ASIC2: variants seen among roughly 807,000 people sequenced by gnomAD.
ASIC2 encodes acid sensing ion channel subunit 2.
ASIC2 carries 25 observed loss-of-function variants against 57.3 expected under a neutral mutation model. That is an observed-to-expected ratio of 0.44 (90% CI 0.32 to 0.61). The LOEUF (loss-of-function observed/expected upper bound fraction) is 0.61, where lower values mean the gene tolerates loss of function less well. Among genes scored for constraint, ASIC2 ranks in the 20% least tolerant of loss-of-function variants. The probability of loss-of-function intolerance (pLI) is 0.06; values close to 1 mark genes in which losing one functional copy is unlikely to be tolerated. For missense variants in ASIC2, 641 were observed against 738.1 expected (o/e 0.87, Z 1.52); for synonymous variants, 319 against 307.5 (o/e 1.04, Z -0.39).
chr17:33,024,102 A>G (rs2091849864), intron 5 of ASIC2, 88 bp from the exon 6 acceptor site: 1 of 1,553,938 alleles, frequency 6.4e-7, no homozygotes, highest in Non-Finnish European at 8.8e-7. Flanking sequence ...GCAGCTGAGA[A>G]ATGAGCTGGG....
chr17:33,715,437 C>T (rs1467148179), intron 1 of ASIC2, among the ~76,000 whole-genome samples: 2 of 152,098 alleles, frequency 1.3e-5, no homozygotes, highest in Non-Finnish European at 2.9e-5. Flanking sequence ...ATTAGGATGC[C>T]CTGGCCGCTG....
intron 1 of ASIC2, among the ~76,000 whole-genome samples, chr17:33,669,659 C>T (rs1400124441): frequency 6.6e-6 from 1 of 152,140 alleles, no homozygotes; most frequent in Non-Finnish European, 1.5e-5. Flanking sequence ...GAAACTTATG[C>T]CATTAAGAGA....
At chr17:34,065,317 G>A (rs1215585048) in intron 1 of ASIC2, among the ~76,000 whole-genome samples, 2 of 152,150 alleles carry the variant, frequency 1.3e-5, no homozygotes, top group Non-Finnish European at 2.9e-5. Context: ...ATATGTAGGA[G>A]CTAAGCTATG....
chr17:33,091,754 A>G (rs1158896639), intron 2 of ASIC2, among the ~76,000 whole-genome samples: 1 of 152,292 alleles, frequency 6.6e-6, no homozygotes, highest in South Asian at 2.1e-4. Flanking sequence ...CTGGATGGAC[A>G]TGAGTGGGAG....
At chr17:34,034,512 G>T (rs1247577311) in intron 1 of ASIC2, among the ~76,000 whole-genome samples, 1 of 152,086 alleles carries the variant, frequency 6.6e-6, no homozygotes, top group Non-Finnish European at 1.5e-5. Context: ...TTCTGGCCAG[G>T]GCAATCAGGC....
intron 1 of ASIC2, among the ~76,000 whole-genome samples, chr17:33,170,334 C>T (rs577022286): frequency 6.6e-6 from 1 of 152,148 alleles, no homozygotes; most frequent in African/African-American, 2.4e-5. Context: ...AAAAGATTCA[C>T]CTCTAAATTC....
At chr17:33,682,077 T>TTTTTTTGG (rs1908019229) in intron 1 of ASIC2, among the ~76,000 whole-genome samples, 1 of 150,462 alleles carries the variant, frequency 6.6e-6, no homozygotes, top group Admixed American at 6.6e-5. Flanking sequence ...TTTTTTTTTT[T>TTTTTTTGG]GAGACAGAGT....
intron 1 of ASIC2, among the ~76,000 whole-genome samples, chr17:34,140,264 G>A (rs562481249): frequency 9.9e-5 from 15 of 152,170 alleles, no homozygotes; most frequent in Non-Finnish European, 4.4e-5. Context: ...CACGACACAG[G>A]TTTCCTACTG....
chr17:34,096,856 CAAAAAAAA>C (rs71286247), intron 1 of ASIC2, among the ~76,000 whole-genome samples: 155 of 30,106 alleles, frequency 5.1e-3, no homozygotes, highest in African/African-American at 0.023. Context: ...GACTCCATCT[CAAAAAAAA>C]AAAAAAAAAA....
rs148749469 is a variant in ASIC2, at chr17:33,731,477, C to T, written c.555+424501G>A. ...TGGAAAGTTTGAATCAAATGTCTTTCACCTAAGGTCCATAAAGAAATCTCC... is the reference window on the plus strand; with the variant it reads ...TGGAAAGTTTGAATCAAATGTCTTTTACCTAAGGTCCATAAAGAAATCTCC... On this transcript the variant is annotated intron_variant, in intron 1 of 9. Coordinates refer to the ASIC2 transcript ENST00000359872. 5.7e-3 allele frequency among the ~76,000 whole-genome samples: 874 copies of T among 152,252 alleles called. 12 individuals are homozygous for T. The highest frequency in any genetic ancestry group is 0.02 in the African/African-American group (839 of 41,526).
At chr17:34,067,575 TA>T (rs1909217773) in intron 1 of ASIC2, among the ~76,000 whole-genome samples, 1 of 152,282 alleles carries the variant, frequency 6.6e-6, no homozygotes, top group Middle Eastern at 3.4e-3. Flanking sequence ...AATTTATTTC[TA>T]AAAAAACTAT....
chr17:33,147,749 G>A (rs957309227), intron 1 of ASIC2, among the ~76,000 whole-genome samples: 1 of 152,156 alleles, frequency 6.6e-6, no homozygotes, highest in Non-Finnish European at 1.5e-5. Flanking sequence ...GGCATGCAGG[G>A]GAAGCAAGGA....
intron 1 of ASIC2, among the ~76,000 whole-genome samples, chr17:33,516,753 A>G (rs905217279): frequency 1.3e-5 from 2 of 152,180 alleles, no homozygotes; most frequent in African/African-American, 4.8e-5. Flanking sequence ...CAGTGCCTGT[A>G]AATGGATCAG....
intron 1 of ASIC2, among the ~76,000 whole-genome samples, chr17:34,066,321 T>C (rs1909171043): frequency 6.6e-6 from 1 of 152,232 alleles, no homozygotes; most frequent in Non-Finnish European, 1.5e-5. Flanking sequence ...CACTGGTTCC[T>C]GGCCTTAGGT....
intron 2 of ASIC2, among the ~76,000 whole-genome samples, chr17:33,092,936 CT>C (rs2092163411): frequency 6.6e-6 from 1 of 152,178 alleles, no homozygotes; most frequent in African/African-American, 2.4e-5. Flanking sequence ...CTGTTCCCTG[CT>C]GTATCTGGTC....
At chr17:34,106,327 G>A (rs1402760673) in intron 1 of ASIC2, among the ~76,000 whole-genome samples, 9 of 152,122 alleles carry the variant, frequency 5.9e-5, no homozygotes, top group Admixed American at 2.0e-4. Context: ...GTCAGTATAT[G>A]AAGTATCTTT....
intron 1 of ASIC2, among the ~76,000 whole-genome samples, chr17:33,206,694 C>A (rs1419057713): frequency 6.6e-6 from 1 of 152,048 alleles, no homozygotes; most frequent in Non-Finnish European, 1.5e-5. Flanking sequence ...GGAAGGGAGG[C>A]TCTGAGGGGA....
chr17:33,315,900 A>T (rs555735490), intron 1 of ASIC2, among the ~76,000 whole-genome samples: 1 of 152,294 alleles, frequency 6.6e-6, no homozygotes, highest in South Asian at 2.1e-4. Context: ...ATCACTTTCT[A>T]GTTGCAAGAC....
At chr17:33,813,496 G>A (rs1273053364) in intron 1 of ASIC2, among the ~76,000 whole-genome samples, 2 of 152,160 alleles carry the variant, frequency 1.3e-5, no homozygotes, top group African/African-American at 4.8e-5. Context: ...GAGTGCAGTG[G>A]CACAATCTTG....
Sources: gnomAD v4.1 joint callset for allele counts (sites outside exome capture counted in the v4.1 genomes callset) on GRCh38, gnomAD v4.1.1 for gene constraint, MANE v1.5 for transcripts, NCBI Gene and HGNC (gene_info 2026-07-23, HGNC 2026-07-21) for gene names.